The following ABCB6 variants were observed in gnomAD, a reference collection of about 807,000 sequenced individuals.
ABCB6 encodes the protein ATP-binding cassette sub-family B member 6.
In ABCB6, 87 loss-of-function variants were observed where a neutral mutation model predicts 99.4. The ratio of observed to expected loss-of-function variants is 0.88; its 90% CI spans 0.74 to 1.05. The LOEUF (loss-of-function observed/expected upper bound fraction) is 1.05. Among genes scored for constraint, ABCB6 ranks in the 50% least tolerant of loss-of-function variants. The pLI is 0.00. For missense variants in ABCB6, 1,050 were observed against 1,097.9 expected (o/e 0.96, Z 0.62); for synonymous variants, 482 against 447.5 (o/e 1.08, Z -0.97).
Position 219,216,880 on chromosome 2 carries a change from G to A in ABCB6, c.688-48C>T, listed in dbSNP as rs1174093651. On this transcript the variant is annotated intron_variant, in intron 2 of 18. Transcript: ENST00000265316. The surrounding 1 kb of genome is among the most constrained non-coding windows in gnomAD (Gnocchi z 4.2). ...AAGGGAGCTCAGAAATCAAGTAAGTGCACTAGCCAGAAACCCTTCAGGGAA... is the reference window on the plus strand; with the variant it reads ...AAGGGAGCTCAGAAATCAAGTAAGTACACTAGCCAGAAACCCTTCAGGGAA... The A allele has an allele frequency of 9.1e-6, 14 of 1,537,938 alleles. 1 individual carries two copies. The highest frequency in any genetic ancestry group is 1.2e-5 in the Non-Finnish European group (14 of 1,139,336).
In ABCB6 at chr2:219,213,842, G is replaced by A. The variant is rs149363094; in HGVS notation, c.1562C>T (p.Thr521Ile). The stretch of plus-strand genomic sequence containing the variant: ...CTGCCTCACCTGTAGCTTCTGCTCA[G>A]TGACAAAGTATGCGCAAAGCAGGGA... ...AGSLLCAYFV[T>I]EQKLQVGDYV... Residue 521 changes from threonine to isoleucine, a missense_variant, in exon 9 of 19, where the codon ACT becomes ATT. Transcript: ENST00000265316. 2 of 1,614,146 alleles carry A rather than the reference G, an allele frequency of 1.2e-6. No individual in the cohort carries two copies. The highest frequency in any genetic ancestry group is 1.1e-5 in the South Asian group (1 of 91,082).
chr2:219,215,177 C>G, intron 5 of ABCB6, 95 bp from the exon 6 acceptor site: 1 of 1,511,042 alleles, frequency 6.6e-7, no homozygotes, highest in Non-Finnish European at 9.0e-7. Context: ...TATTTTCAAG[C>G]AACAGACTGG....
Position 219,210,972 on chromosome 2 carries a change from G to A in ABCB6, c.2105C>T (p.Ala702Val), listed in dbSNP as rs367789409. The A allele has an allele frequency of 3.7e-6, 6 of 1,614,088 alleles. No homozygotes were observed. The highest frequency in any genetic ancestry group is 1.7e-5 in the Admixed American group (1 of 59,998). The change falls in exon 15 of 19, where the codon GCT (alanine) becomes GTT (valine). Residue 702 changes from alanine (A) to valine (V), a missense_variant. Coordinates refer to ENST00000265316, the MANE Select transcript of ABCB6 (RefSeq NM_005689.4). ...CATAATGGCATCATGGATGCCTGCA[G>A]CCTGAGCAGCAGCCTCCACCTCATC... The part of the protein sequence containing the change: ...GNDEVEAAAQ[A>V]AGIHDAIMAF...
chr2:219,216,024 C>T lies in ABCB6; in HGVS notation c.1127G>A (p.Gly376Asp), dbSNP rs1353286806. 1 of 1,598,188 alleles carries T rather than the reference C, an allele frequency of 6.3e-7. No homozygotes were observed. The highest frequency in any genetic ancestry group is 8.5e-7 in the Non-Finnish European group (1 of 1,170,500). The change falls in exon 5 of 19, where the codon GGC (glycine) becomes GAC (aspartate). Residue 376 changes from glycine (G) to aspartate (D), a missense_variant. By Grantham distance (94) the Gly-to-Asp change is moderately conservative. Transcript: ENST00000265316. The surrounding 1 kb of genome is among the most constrained non-coding windows in gnomAD (Gnocchi z 4.2). ...GAGCAGCCCTGTGACACTGGATGTG[C>T]CCCGATCCGCGATCCGCAGCACCTC... ...TGEVLRIADR[G>D]TSSVTGLLSY...
In ABCB6 at chr2:219,211,634, T is replaced by G. The variant is rs200024880; in HGVS notation, c.1969-526A>C. On this transcript the variant is annotated intron_variant, in intron 14 of 18. Coordinates refer to ENST00000265316, the MANE Select transcript of ABCB6 (RefSeq NM_005689.4). ...ATATCGTTGTACCTTTTTTTTTTTTTTTTTTTTGTTTTGCTTTTTGTTTTG... is the reference window on the plus strand; with the variant it reads ...ATATCGTTGTACCTTTTTTTTTTTTGTTTTTTTGTTTTGCTTTTTGTTTTG... Among the ~76,000 whole-genome samples, 218 of 150,566 alleles carry G rather than the reference T, an allele frequency of 1.4e-3. No individual in the cohort carries two copies. The East Asian group carries it at 0.023, about 16-fold the overall frequency.
Position 219,213,906 on chromosome 2 carries a change from T to A in ABCB6, c.1498A>T (p.Thr500Ser), listed in dbSNP as rs1295648959. The A allele has an allele frequency of 6.2e-7, 1 of 1,614,096 alleles. No homozygotes were observed. ...CCGAGCCCAATCACCAGGTTCTGGG[T>A]CTGATTTAGTAAAACCAGTGAAGCG... is the stretch of plus-strand genomic sequence containing the variant. ...SSASLVLLNQ[T>S]QNLVIGLGLL... Residue 500 changes from threonine (T) to serine (S), a missense_variant, in exon 9 of 19, where the codon ACC (threonine) becomes TCC (serine). By Grantham distance (58) the Thr-to-Ser change is moderately conservative (BLOSUM62 1). Coordinates refer to ENST00000265316, the MANE Select transcript of ABCB6 (RefSeq NM_005689.4).
At chr2:219,214,233 C>T (rs568740892) in intron 7 of ABCB6, 47 bp from the exon 8 acceptor site, 11 of 1,586,644 alleles carry the variant, frequency 6.9e-6, no homozygotes, top group Non-Finnish European at 9.5e-6. Flanking sequence ...CAGCACATGG[C>T]ACTCGGGTCA....
Position 219,213,658 on chromosome 2 carries a change from G to A in ABCB6, c.1587C>T (p.Asp529=), listed in dbSNP as rs773876088. 2.8e-5 allele frequency: 46 copies of A among 1,614,054 alleles called. No homozygotes were observed. Among genetic ancestry groups the A allele is most frequent in the African/African-American group, 4.0e-5 (3 of 74,936 alleles). ...FVTEQKLQVG[D]YVLFGTYIIQ... ...TAATGTAGGTGCCAAAGAGCACATA[G>A]TCCCCAACCTGTGGCAATCAAGGAA... The change falls in exon 10 of 19, where the codon GAC becomes GAT. Residue 529 remains aspartate, a synonymous_variant. Coordinates refer to ENST00000265316, the MANE Select transcript of ABCB6 (RefSeq NM_005689.4).
At chr2:219,210,084 T>C (rs756094735) in intron 18 of ABCB6, 38 bp from the exon 19 acceptor site, 2 of 1,607,306 alleles carry the variant, frequency 1.2e-6, no homozygotes, top group Admixed American at 3.3e-5. Context: ...TAACCATTAG[T>C]TTTACCCCGA....
Position 219,217,677 on chromosome 2 carries a change from C to G in ABCB6, c.680G>C (p.Arg227Thr). 1 of 1,600,816 alleles carries G rather than the reference C, an allele frequency of 6.2e-7. No homozygotes were observed. The highest frequency in any genetic ancestry group is 1.1e-5 in the South Asian group (1 of 88,338). Residue 227 changes from arginine (R) to threonine (T), a missense_variant, in exon 2 of 19, where the codon AGG becomes ACG. Arg to Thr is a moderately conservative substitution (Grantham distance 71, BLOSUM62 -1). Transcript: ENST00000265316. Reference sequence around the variant, plus strand: ...AAAGAAACTGAGGTGTACCTGGCTCCTTTCCACATCTTGGTCCTCTTCATG... The same window carrying G: ...AAAGAAACTGAGGTGTACCTGGCTCGTTTCCACATCTTGGTCCTCTTCATG... ...QVHEEDQDVE[R>T]SQVRSAAQQS...
chr2:219,216,909 C>T lies in ABCB6; in HGVS notation c.688-77G>A. 1 of 1,368,336 alleles carries T rather than the reference C, an allele frequency of 7.3e-7. No individual in the cohort carries two copies. The highest frequency in any genetic ancestry group is 9.8e-7 in the Non-Finnish European group (1 of 1,018,820). 84.8% of individuals were successfully genotyped at this position (1,368,336 alleles called of 1,614,324 possible). A position where few individuals can be genotyped will look rare whatever the true frequency, so the allele number is the denominator to read the frequency against. On this transcript the variant is annotated intron_variant, in intron 2 of 18. Coordinates refer to ENST00000265316, the MANE Select transcript of ABCB6 (RefSeq NM_005689.4). This position sits in a 1 kb window ranked among gnomAD's most constrained non-coding sequence, Gnocchi z 4.2. ...TAGCCAGAAACCCTTCAGGGAAAAA[C>T]CTATGGGGTTACAGCTCCCAGGTAT...
chr2:219,213,665 A>T lies in ABCB6; in HGVS notation c.1580T>A (p.Val527Asp), dbSNP rs199710050. The T allele has an allele frequency of 6.2e-7, 1 of 1,614,044 alleles. No homozygotes were observed. The highest frequency in any genetic ancestry group is 1.7e-5 in the Admixed American group (1 of 60,026). Residue 527 changes from valine to aspartate, a missense_variant and splice_region_variant, in exon 10 of 19, where the codon GTT (valine) becomes GAT (aspartate). By Grantham distance (152) the Val-to-Asp change is radical. Transcript: ENST00000265316. ...GGTGCCAAAGAGCACATAGTCCCCA[A>T]CCTGTGGCAATCAAGGAAGCAGAGC... ...AYFVTEQKLQVGDYVLFGTYI... is the reference protein window; with the variant it reads ...AYFVTEQKLQDGDYVLFGTYI...
intron 5 of ABCB6, chr2:219,215,379 G>T: frequency 3.1e-6 from 1 of 322,618 alleles, no homozygotes; most frequent in Non-Finnish European, 5.8e-6. Context: ...ATTTGTTTTA[G>T]GAAAAACCTC....
At chr2:219,210,598 T>A in intron 16 of ABCB6, 113 bp downstream of exon 16, 1 of 1,591,114 alleles carries the variant, frequency 6.3e-7, no homozygotes, top group Non-Finnish European at 8.6e-7. Flanking sequence ...AACTGGAAAG[T>A]GTGTTTTGTG....
In ABCB6 at chr2:219,216,315, C is replaced by T. The variant is rs1293416868; in HGVS notation, c.970+49G>A. 6.3e-7 allele frequency: 1 copy of T among 1,595,606 alleles called. No individual in the cohort carries two copies. The highest frequency in any genetic ancestry group is 1.7e-5 in the Admixed American group (1 of 59,818). On this transcript the variant is annotated intron_variant, in intron 4 of 18. Transcript: ENST00000265316. The surrounding 1 kb of genome is among the most constrained non-coding windows in gnomAD (Gnocchi z 4.2). ...GGAGAGGCGGATGCTGAGGGAATGC[C>T]TGTGGGAGGGACCTATACCTAGCAG... is the stretch of plus-strand genomic sequence containing the variant.
In ABCB6 at chr2:219,217,786, G is replaced by T. The variant is rs989043360; in HGVS notation, c.571C>A (p.Leu191Met). ...GQQVQFSLWV[L>M]RYVVSGGLFV... ...AGCCCTCCAGAGACCACATACCGCA[G>T]CACCCACAGGCTAAACTGAACCTAG... The change falls in exon 2 of 19, where the codon CTG (leucine) becomes ATG (methionine). Residue 191 changes from leucine to methionine, a missense_variant. Physicochemically the swap from Leu to Met is conservative, Grantham distance 15 (BLOSUM62 2). Coordinates refer to ENST00000265316, the MANE Select transcript of ABCB6 (RefSeq NM_005689.4). 33 of 1,612,314 alleles carry T rather than the reference G, an allele frequency of 2.0e-5. No homozygotes were observed. The highest frequency in any genetic ancestry group is 2.7e-5 in the Non-Finnish European group (32 of 1,179,546).
At position 219,213,433 on chromosome 2, in the gene ABCB6, G is replaced by C. The variant is rs768164605; in HGVS notation, c.1719+6C>G. On this transcript the variant is annotated splice_donor_region_variant and intron_variant, in intron 11 of 18. Coordinates refer to ENST00000265316, the MANE Select transcript of ABCB6 (RefSeq NM_005689.4). ...CCCCAAACCCTACTCCTCTCCCTTC[G>C]CTCACTTCTGTCTCCTCTTTCAGCA... The C allele has an allele frequency of 6.2e-7, 1 of 1,614,094 alleles. No individual in the cohort carries two copies. Among genetic ancestry groups the C allele is most frequent in the Non-Finnish European group, 8.5e-7 (1 of 1,180,000 alleles).
In ABCB6 at chr2:219,214,586, C is replaced by T. The variant is rs569446686; in HGVS notation, c.1277-88G>A. On this transcript the variant is annotated intron_variant, in intron 6 of 18. Transcript: ENST00000265316. ...CAATGTCCACTACCTGCCATGTACA[C>T]ACTAAGCCTATGCTCAAGCCCGGAC... 2.4e-4 allele frequency: 236 copies of T among 984,286 alleles called. No homozygotes were observed. In the African/African-American group the frequency reaches 3.1e-3, roughly 13 times the overall value. The allele number at this position is 984,286 out of a possible 1,614,324, so 61.0% of individuals were successfully genotyped here.
chr2:219,214,730 T>C (rs1950619221), intron 6 of ABCB6: 1 of 632,256 alleles, frequency 1.6e-6, no homozygotes, highest in Non-Finnish European at 2.7e-6. Context: ...CCTTGACCTG[T>C]GTCCACGGCT....
Sources: allele counts gnomAD v4.1 joint callset (sites outside exome capture counted in the v4.1 genomes callset), GRCh38; gene constraint gnomAD v4.1.1; non-coding constraint Gnocchi (gnomAD v3.1); transcripts MANE v1.5; gene names NCBI Gene and HGNC (gene_info 2026-07-23, HGNC 2026-07-21).